Variants in ZBTB10 observed in about 807,000 individuals in gnomAD.
ZBTB10 encodes the protein zinc finger and BTB domain-containing protein 10.
In ZBTB10, 32 loss-of-function variants were observed where a neutral mutation model predicts 76.4. The ratio of observed to expected loss-of-function variants is 0.42; its 90% CI spans 0.32 to 0.56. ZBTB10 has a LOEUF of 0.56. ZBTB10 is among the 20% of genes least tolerant of loss of function. The pLI, the probability that ZBTB10 is intolerant of heterozygous loss-of-function variation, is 0.14. For synonymous variants in ZBTB10, 523 were observed against 432.9 expected (o/e 1.21, Z -2.58); for missense variants, 1,057 against 1,098.5 (o/e 0.96, Z 0.53).
chr8:80,517,749 A>T (rs965718196), intron 3 of ZBTB10, among the ~76,000 whole-genome samples: 4 of 151,914 alleles, frequency 2.6e-5, no homozygotes, highest in Admixed American at 1.3e-4. Flanking sequence ...TAAGTGATAG[A>T]GTAGTTAGAA....
intron 2 of ZBTB10, among the ~76,000 whole-genome samples, chr8:80,507,793 G>A (rs1816097800): frequency 1.3e-5 from 2 of 152,084 alleles, no homozygotes; most frequent in African/African-American, 4.8e-5. Flanking sequence ...TAGAGACAGG[G>A]TCTCGTTATG....
chr8:80,493,822 C>T (rs528301438), intron 1 of ZBTB10, among the ~76,000 whole-genome samples: 1 of 152,192 alleles, frequency 6.6e-6, no homozygotes, highest in South Asian at 2.1e-4. Flanking sequence ...GAAACTTCGT[C>T]TCAAAAATAA....
chr8:80,499,300 A>C (rs1388613097), intron 1 of ZBTB10, among the ~76,000 whole-genome samples, 194 bp from the exon 2 acceptor site: 1 of 152,172 alleles, frequency 6.6e-6, no homozygotes, highest in Non-Finnish European at 1.5e-5. Context: ...ATCTTCAGTC[A>C]GATGTGTTTG....
chr8:80,503,955 A>G (rs1585850628), intron 2 of ZBTB10, among the ~76,000 whole-genome samples: 1 of 152,272 alleles, frequency 6.6e-6, no homozygotes, highest in East Asian at 1.9e-4. Flanking sequence ...AATACACACA[A>G]TTTACTCTTT....
At chr8:80,497,082 A>G (rs1416570609) in intron 1 of ZBTB10, among the ~76,000 whole-genome samples, 1 of 152,202 alleles carries the variant, frequency 6.6e-6, no homozygotes, top group Non-Finnish European at 1.5e-5. Flanking sequence ...AGTAAACAGA[A>G]TGATGCTTTT....
chr8:80,489,871 T>A (rs754452620), intron 1 of ZBTB10, among the ~76,000 whole-genome samples: 17 of 152,188 alleles, frequency 1.1e-4, no homozygotes, highest in Non-Finnish European at 5.9e-5. Flanking sequence ...GGATTTTGGG[T>A]GTTTTCACTT....
At chr8:80,506,634 A>G (rs1250250521) in intron 2 of ZBTB10, among the ~76,000 whole-genome samples, 1 of 148,136 alleles carries the variant, frequency 6.8e-6, no homozygotes, top group Admixed American at 6.8e-5. Context: ...CGCCCTGCAA[A>G]TATTCATGTT....
intron 1 of ZBTB10, among the ~76,000 whole-genome samples, chr8:80,494,004 T>G (rs1258854533): frequency 1.3e-5 from 2 of 152,220 alleles, no homozygotes; most frequent in Non-Finnish European, 2.9e-5. Flanking sequence ...TACCAACTGT[T>G]ATGATTTGTC....
chr8:80,489,215 C>T (rs1815561802), intron 1 of ZBTB10, among the ~76,000 whole-genome samples: 1 of 152,202 alleles, frequency 6.6e-6, no homozygotes, highest in Admixed American at 6.5e-5. Context: ...AATTAACTAG[C>T]TTTGTGAGCT....
chr8:80,493,607 G>C (rs986600886), intron 1 of ZBTB10, among the ~76,000 whole-genome samples: 1 of 151,294 alleles, frequency 6.6e-6, no homozygotes, highest in Non-Finnish European at 1.5e-5. Flanking sequence ...ATCTGAGGTC[G>C]GGAGTTCGAG....
rs1442937646 is a variant in ZBTB10 at position 80,500,306 on chromosome 8, T to A, written c.1785T>A (p.Asn595Lys). The A allele has an allele frequency of 1.3e-6, 2 of 1,581,658 alleles. No homozygotes were observed. The highest frequency in any genetic ancestry group is 1.8e-5 in the Admixed American group (1 of 55,592). The change falls in exon 2 of 6, where the codon AAT (asparagine) becomes AAA (lysine). Residue 595 changes from asparagine to lysine, a missense_variant. By Grantham distance (94) the Asn-to-Lys change is moderately conservative. Around this residue, in one of 5 missense-constraint regions of ZBTB10, gnomAD observed 306 missense variants for 297.5 expected, o/e 1.03. Coordinates refer to ENST00000455036, the MANE Select transcript of ZBTB10 (RefSeq NM_001105539.3). ...IYNIPPNNET[N>K]LEDCSVMQPP... The stretch of plus-strand genomic sequence containing the variant: ...ATATTCCACCTAATAATGAAACGAA[T>A]TTAGAAGATTGCTCAGTAATGCAGC...
intron 1 of ZBTB10, among the ~76,000 whole-genome samples, chr8:80,491,041 TTA>T (rs1815617524): frequency 6.6e-6 from 1 of 152,178 alleles, no homozygotes. Flanking sequence ...CTGTCTGTAC[TTA>T]GTGTAGCCTA....
intron 1 of ZBTB10, among the ~76,000 whole-genome samples, chr8:80,490,184 C>G (rs944276421): frequency 1.1e-4 from 17 of 152,206 alleles, no homozygotes; most frequent in Non-Finnish European, 1.3e-4. Context: ...TAGTTAACTT[C>G]TAGTTTCGTT....
chr8:80,498,039 G>C (rs1016555704), intron 1 of ZBTB10, among the ~76,000 whole-genome samples: 1 of 152,096 alleles, frequency 6.6e-6, no homozygotes, highest in Non-Finnish European at 1.5e-5. Flanking sequence ...AGATGGACTG[G>C]GTTAGTTTCA....
At chr8:80,518,363 T>C in intron 3 of ZBTB10, 40 bp from the exon 4 acceptor site, 1 of 1,518,566 alleles carries the variant, frequency 6.6e-7, no homozygotes, top group Non-Finnish European at 8.8e-7. Flanking sequence ...GAGACAGATC[T>C]TTATTACCAT....
upstream of ZBTB10, chr8:80,485,626 C>T (rs2131462742): frequency 1.8e-6 from 1 of 560,038 alleles, no homozygotes; most frequent in Non-Finnish European, 3.1e-6. Context: ...TGTGAAATGA[C>T]TACTGTCCGG....
chr8:80,492,450 A>G (rs570564280), intron 1 of ZBTB10, among the ~76,000 whole-genome samples: 10 of 152,250 alleles, frequency 6.6e-5, no homozygotes, highest in African/African-American at 2.4e-4. Context: ...CACAGATAAC[A>G]TGGTAGCAGT....
chr8:80,519,725 A>G lies in ZBTB10; in HGVS notation c.*197A>G. 2.0e-6 allele frequency: 1 copy of G among 511,000 alleles called. No individual in the cohort carries two copies. Among genetic ancestry groups the G allele is most frequent in the Middle Eastern group, 5.1e-4 (1 of 1,956 alleles). The allele number at this position is 511,000 out of a possible 1,614,324, so 31.7% of individuals were successfully genotyped here. On this transcript the variant is annotated 3_prime_UTR_variant, in exon 6 of 6. Transcript: ENST00000455036. ...GCACAGGACTATACAGCAAACAACC[A>G]TGTGGTTGGATTACATGGAGTCCCC...
chr8:80,523,865 C>T lies in ZBTB10; in HGVS notation c.*4337C>T, dbSNP rs997013743. On this transcript the variant is annotated 3_prime_UTR_variant, in exon 6 of 6. Transcript: ENST00000455036. The stretch of plus-strand genomic sequence containing the variant: ...AACACTGTAAACAAAAGAACACTTC[C>T]GCCTGCTGTTTGTAAAAGCTCTTTG... 13 of 151,972 alleles carry T rather than the reference C, an allele frequency of 8.6e-5. No individual in the cohort carries two copies. The highest frequency in any genetic ancestry group is 2.6e-4 in the Admixed American group (4 of 15,228). The allele number at this position is 151,972 out of a possible 1,614,324, so 9.4% of individuals were successfully genotyped here. A position where few individuals can be genotyped will look rare whatever the true frequency, so the allele number is the denominator to read the frequency against.
Sources: allele counts gnomAD v4.1 joint callset (sites outside exome capture counted in the v4.1 genomes callset), GRCh38; gene constraint gnomAD v4.1.1; regional missense constraint gnomAD v4.1.1; transcripts MANE v1.5; gene names NCBI Gene and HGNC (gene_info 2026-07-23, HGNC 2026-07-21).